ERC2: variants seen among roughly 807,000 people sequenced by gnomAD.
ERC2 encodes ERC protein 2.
Under a neutral mutation model 114.8 loss-of-function variants are expected in ERC2, and 42 were observed. The ratio of observed to expected loss-of-function variants is 0.37; its 90% CI spans 0.29 to 0.47. The LOEUF (loss-of-function observed/expected upper bound fraction) is 0.47, where lower values mean the gene tolerates loss of function less well. ERC2 is among the 20% of genes least tolerant of loss of function. The pLI, the probability that ERC2 is intolerant of heterozygous loss-of-function variation, is 0.99. For missense variants in ERC2, 939 were observed against 1,150.7 expected (o/e 0.82, Z 2.66); for synonymous variants, 454 against 425.5 (o/e 1.07, Z -0.82).
intron 17 of ERC2, among the ~76,000 whole-genome samples, chr3:55,674,459 T>C (rs866398379): frequency 3.9e-5 from 6 of 152,360 alleles, no homozygotes; most frequent in African/African-American, 1.4e-4. Flanking sequence ...ATTTTTTTCC[T>C]GATATACTTA....
intron 12 of ERC2, among the ~76,000 whole-genome samples, chr3:55,958,018 T>C (rs1332066190): frequency 6.6e-6 from 1 of 152,196 alleles, no homozygotes; most frequent in South Asian, 2.1e-4. Flanking sequence ...TGTCCCACCA[T>C]TCAGTGGGTC....
At chr3:56,179,136 G>A (rs1044019046) in intron 3 of ERC2, among the ~76,000 whole-genome samples, 4 of 151,844 alleles carry the variant, frequency 2.6e-5, no homozygotes, top group Non-Finnish European at 5.9e-5. Flanking sequence ...TGCATTCAAA[G>A]CCGTCGTGGT....
chr3:56,182,731 G>A (rs148134776), intron 3 of ERC2, among the ~76,000 whole-genome samples: 7 of 152,176 alleles, frequency 4.6e-5, no homozygotes, highest in South Asian at 2.1e-4. Flanking sequence ...CACTGCCCCC[G>A]TTTCACCACT....
chr3:56,460,628 G>A (rs115569888), intron 1 of ERC2, among the ~76,000 whole-genome samples: 2,885 of 152,264 alleles, frequency 0.019, 34 homozygotes, highest in Non-Finnish European at 0.031. Context: ...CAGAGCAAAC[G>A]TATCCATCAC....
chr3:56,316,411 A>G (rs79002159), intron 2 of ERC2, among the ~76,000 whole-genome samples: 5,048 of 152,326 alleles, frequency 0.033, 150 homozygotes, highest in South Asian at 0.15. Flanking sequence ...AAGTGGACAG[A>G]AAATGCTGTT....
chr3:56,040,707 T>G (rs981273112), intron 7 of ERC2, among the ~76,000 whole-genome samples: 3 of 143,436 alleles, frequency 2.1e-5, no homozygotes, highest in Non-Finnish European at 1.5e-5. Flanking sequence ...GAGAGATATA[T>G]AGAGAGAGAT....
intron 17 of ERC2, among the ~76,000 whole-genome samples, chr3:55,651,014 ATTTTTTTTT>A (rs71096493): frequency 3.0e-4 from 29 of 96,320 alleles, no homozygotes; most frequent in South Asian, 2.5e-3. Context: ...CACCCAGCTA[ATTTTTTTTT>A]TTTTTTTTTT....
At chr3:56,042,203 G>T (rs1366339929) in intron 7 of ERC2, among the ~76,000 whole-genome samples, 1 of 152,086 alleles carries the variant, frequency 6.6e-6, no homozygotes, top group Non-Finnish European at 1.5e-5. Context: ...TTCTAACTGG[G>T]GAATTTAGTT....
intron 3 of ERC2, among the ~76,000 whole-genome samples, chr3:56,261,939 G>A (rs13086809): frequency 0.68 from 102,937 of 151,956 alleles, 36,117 homozygotes; most frequent in Non-Finnish European, 0.76. Context: ...ATTTAGTTCC[G>A]ACTTACAAGT....
intron 17 of ERC2, among the ~76,000 whole-genome samples, chr3:55,519,965 GGATT>G (rs1423148653): frequency 6.6e-6 from 1 of 151,736 alleles, no homozygotes; most frequent in Admixed American, 6.6e-5. Context: ...TAAGGTGGGA[GGATT>G]GATTGAGCCC....
intron 2 of ERC2, among the ~76,000 whole-genome samples, chr3:56,415,594 A>G (rs943613767): frequency 2.0e-5 from 3 of 152,102 alleles, no homozygotes; most frequent in African/African-American, 7.2e-5. Context: ...TTTAAGAACA[A>G]CCTCTTTTCC....
At chr3:56,005,682 C>T (rs752712425) in intron 10 of ERC2, among the ~76,000 whole-genome samples, 3 of 151,916 alleles carry the variant, frequency 2.0e-5, no homozygotes, top group Non-Finnish European at 4.4e-5. Flanking sequence ...TATTTGAGGC[C>T]GTCTTTCTTC....
chr3:56,329,272 A>C (rs1433846309), intron 2 of ERC2, among the ~76,000 whole-genome samples: 3 of 152,206 alleles, frequency 2.0e-5, no homozygotes, highest in Non-Finnish European at 4.4e-5. Context: ...TCTTCTGTCC[A>C]ATCTATAGGC....
At chr3:56,095,901 G>A (rs1256169489) in intron 6 of ERC2, among the ~76,000 whole-genome samples, 1 of 152,164 alleles carries the variant, frequency 6.6e-6, no homozygotes, top group African/African-American at 2.4e-5. Flanking sequence ...TACATTGTAG[G>A]AAGGCAGGAA....
At chr3:56,412,680 T>TCCAGTGTATACCTGAAA (rs2060988642) in intron 2 of ERC2, among the ~76,000 whole-genome samples, 1 of 152,204 alleles carries the variant, frequency 6.6e-6, no homozygotes, top group Non-Finnish European at 1.5e-5. Context: ...TGGCACGATT[T>TCCAGTGTATACCTGAAA]GTGAGCTGTA....
intron 17 of ERC2, among the ~76,000 whole-genome samples, chr3:55,577,172 C>T (rs1375373655): frequency 6.6e-6 from 1 of 152,036 alleles, no homozygotes; most frequent in Non-Finnish European, 1.5e-5. Context: ...TTCAGATTTC[C>T]TGAAGTTCAT....
intron 2 of ERC2, among the ~76,000 whole-genome samples, chr3:56,351,425 T>A (rs2058548161): frequency 6.6e-6 from 1 of 152,148 alleles, no homozygotes; most frequent in Admixed American, 6.5e-5. Context: ...CAAAATTTCA[T>A]TTATAGACCA....
At chr3:56,435,427 G>T (rs2061974445) in intron 1 of ERC2, among the ~76,000 whole-genome samples, 1 of 152,086 alleles carries the variant, frequency 6.6e-6, no homozygotes, top group African/African-American at 2.4e-5. Flanking sequence ...TTAAGAAAAT[G>T]AAGCTCTCTA....
At chr3:56,002,432 T>G (rs1305152775) in intron 10 of ERC2, among the ~76,000 whole-genome samples, 1 of 152,138 alleles carries the variant, frequency 6.6e-6, no homozygotes. Context: ...AAAAACAAAC[T>G]GCTTCATATA....
Sources: gnomAD v4.1 joint callset for allele counts (sites outside exome capture counted in the v4.1 genomes callset) on GRCh38, gnomAD v4.1.1 for gene constraint, MANE v1.5 for transcripts, NCBI Gene and HGNC (gene_info 2026-07-23, HGNC 2026-07-21) for gene names.